The following ATP1B1 variants were observed in gnomAD, a reference collection of about 807,000 sequenced individuals.
The protein encoded by ATP1B1 is sodium/potassium-transporting ATPase subunit beta-1.
Under a neutral mutation model 39.6 loss-of-function variants are expected in ATP1B1, and 3 were observed. The ratio of observed to expected loss-of-function variants is 0.08; its 90% CI spans 0.03 to 0.20. The LOEUF is 0.20. Among genes scored for constraint, ATP1B1 ranks in the 10% least tolerant of loss-of-function variants. The pLI is 1.00. For missense variants in ATP1B1, 216 were observed against 371.1 expected (o/e 0.58, Z 3.43); for synonymous variants, 139 against 135.0 (o/e 1.03, Z -0.20).
chr1:169,108,270 T>G (rs571231998), intron 1 of ATP1B1: 1 of 152,296 alleles, frequency 6.6e-6, no homozygotes, highest in East Asian at 1.9e-4. Flanking sequence ...GTTTTATATT[T>G]TATTTTGGGG....
At chr1:169,120,409 G>A (rs1298876391) in intron 2 of ATP1B1, among the ~76,000 whole-genome samples, 1 of 152,142 alleles carries the variant, frequency 6.6e-6, no homozygotes, top group Non-Finnish European at 1.5e-5. Context: ...GACTCCAGAG[G>A]GAAACATGAG....
In ATP1B1 at chr1:169,114,111, C is replaced by T. The variant is rs971539173; in HGVS notation, c.226+2613C>T. 3.3e-5 allele frequency among the ~76,000 whole-genome samples: 5 copies of T among 152,018 alleles called. No homozygotes were observed. The South Asian group carries it at 6.2e-4, about 19-fold the overall frequency. On this transcript the variant is annotated intron_variant, in intron 2 of 5. Transcript: ENST00000367815. ...ACAAAGTGCAGCTCTTGGGCCACCC[C>T]TTATGGCCCTGTGTTGCCTGAGGAC...
intron 2 of ATP1B1, 32 bp from the exon 3 acceptor site, chr1:169,124,852 C>T: frequency 1.2e-6 from 2 of 1,601,360 alleles, no homozygotes; most frequent in Admixed American, 1.7e-5. Flanking sequence ...TTTCTGCCTT[C>T]CTACTAATGT....
intron 1 of ATP1B1, among the ~76,000 whole-genome samples, chr1:169,107,628 A>C (rs961638841): frequency 2.0e-4 from 31 of 152,160 alleles, no homozygotes; most frequent in African/African-American, 7.5e-4. Flanking sequence ...GGTTGGGTTG[A>C]TTATGGTGAA....
chr1:169,118,928 G>A (rs968017908), intron 2 of ATP1B1, among the ~76,000 whole-genome samples: 6 of 152,198 alleles, frequency 3.9e-5, no homozygotes, highest in Non-Finnish European at 8.8e-5. Flanking sequence ...GCAAGCAGCT[G>A]TGCATTTGAA....
rs756613676 is a variant in ATP1B1 at position 169,111,518 on chromosome 1, C to A, written c.226+20C>A. The stretch of plus-strand genomic sequence containing the variant: ...CGCCAGGTAAAATCCACATGAATAG[C>A]TTCATTTCCTTCAGAGATAGCATGG... On this transcript the variant is annotated intron_variant, in intron 2 of 5. Transcript: ENST00000367815. 1 of 1,609,302 alleles carries A rather than the reference C, an allele frequency of 6.2e-7. No individual in the cohort carries two copies. The highest frequency in any genetic ancestry group is 1.1e-5 in the South Asian group (1 of 90,100).
chr1:169,123,280 A>G (rs1481494014), intron 2 of ATP1B1, among the ~76,000 whole-genome samples: 1 of 152,132 alleles, frequency 6.6e-6, no homozygotes, highest in Non-Finnish European at 1.5e-5. Flanking sequence ...CTTATTAAAC[A>G]GATTCTCAAA....
At chr1:169,127,129 A>G (rs1658104057) in intron 3 of ATP1B1, 95 bp from the exon 4 acceptor site, 10 of 1,334,726 alleles carry the variant, frequency 7.5e-6, no homozygotes, top group Middle Eastern at 3.9e-4. Flanking sequence ...GCGTACTCTC[A>G]GAATAGGTAA....
chr1:169,111,189 T>A (rs1261028177), intron 1 of ATP1B1, among the ~76,000 whole-genome samples, 181 bp from the exon 2 acceptor site: 1 of 152,178 alleles, frequency 6.6e-6, no homozygotes, highest in African/African-American at 2.4e-5. Flanking sequence ...AGTGGAGGGC[T>A]GCCCAGCTTC....
chr1:169,119,569 C>T (rs1268875771), intron 2 of ATP1B1, among the ~76,000 whole-genome samples: 1 of 152,092 alleles, frequency 6.6e-6, no homozygotes, highest in African/African-American at 2.4e-5. Flanking sequence ...TGGGAGAAAG[C>T]GTCTGGTCTA....
intron 2 of ATP1B1, among the ~76,000 whole-genome samples, chr1:169,114,909 G>A (rs2101778885): frequency 6.6e-6 from 1 of 152,058 alleles, no homozygotes; most frequent in African/African-American, 2.4e-5. Flanking sequence ...AAAAGGGGTG[G>A]GGCCAGGAGT....
intron 2 of ATP1B1, among the ~76,000 whole-genome samples, chr1:169,119,150 G>A (rs67450288): frequency 0.3 from 44,879 of 152,084 alleles, 7,663 homozygotes; most frequent in Non-Finnish European, 0.39. Flanking sequence ...GCAGGTAAAT[G>A]TGTCTTTGAA....
intron 1 of ATP1B1, chr1:169,110,584 T>TGG: frequency 9.7e-7 from 1 of 1,034,524 alleles, no homozygotes; most frequent in Non-Finnish European, 1.2e-6. Context: ...TTTTTTTTTT[T>TGG]TTGCTTTTGC....
rs267598155 is a variant in ATP1B1, at chr1:169,130,013, C to T, written c.571C>T (p.Pro191Ser). The change falls in exon 5 of 6, where the codon CCC becomes TCC. Residue 191 changes from proline to serine, a missense_variant. Transcript: ENST00000367815. ...TCATAATGGGTTTTATTTTTAGCCT[C>T]CCAAGAATGAGTCCTTGGAGACTTA... ...NRVLGFKPKPPKNESLETYPV... is the reference protein window; with the variant it reads ...NRVLGFKPKPSKNESLETYPV... The T allele has an allele frequency of 6.2e-7, 1 of 1,613,514 alleles. No homozygotes were observed. Among genetic ancestry groups the T allele is most frequent in the Non-Finnish European group, 8.5e-7 (1 of 1,179,640 alleles).
Position 169,132,203 on chromosome 1 carries a change from C to T in ATP1B1, c.*648C>T. 1.5e-6 allele frequency: 1 copy of T among 653,416 alleles called. No individual in the cohort carries two copies. Among genetic ancestry groups the T allele is most frequent in the Non-Finnish European group, 2.8e-6 (1 of 352,158 alleles). 40.5% of individuals were successfully genotyped at this position (653,416 alleles called of 1,614,324 possible). On this transcript the variant is annotated 3_prime_UTR_variant, in exon 6 of 6. Coordinates refer to ENST00000367815, the MANE Select transcript of ATP1B1 (RefSeq NM_001677.4). ...GCCCTTTAAATTTTAAGTGACACTACAGAAAAACACAAAAAGGTGATGGGT... is the reference window on the plus strand; with the variant it reads ...GCCCTTTAAATTTTAAGTGACACTATAGAAAAACACAAAAAGGTGATGGGT...
At chr1:169,130,118 T>C in intron 5 of ATP1B1, 28 bp downstream of exon 5, 1 of 1,598,856 alleles carries the variant, frequency 6.3e-7, no homozygotes, top group Non-Finnish European at 8.6e-7. Context: ...GTTACTGGGG[T>C]GGTGGAAGGG....
At chr1:169,111,296 A>G (rs1253450092) in intron 1 of ATP1B1, 74 bp from the exon 2 acceptor site, 2 of 1,577,590 alleles carry the variant, frequency 1.3e-6, no homozygotes, top group Non-Finnish European at 1.7e-6. Flanking sequence ...AAGCTTGTTC[A>G]TCCGTGGGAA....
At chr1:169,111,643 G>T (rs1657734055) in intron 2 of ATP1B1, 145 bp downstream of exon 2, 1 of 1,185,590 alleles carries the variant, frequency 8.4e-7, no homozygotes, top group South Asian at 1.6e-5. Flanking sequence ...TCTCTCGGCT[G>T]CAGCCAGATG....
At chr1:169,124,529 G>A (rs1658049212) in intron 2 of ATP1B1, among the ~76,000 whole-genome samples, 1 of 152,170 alleles carries the variant, frequency 6.6e-6, no homozygotes, top group Non-Finnish European at 1.5e-5. Flanking sequence ...GAAACATAAT[G>A]GGCTTTGGAG....
Sources: allele counts gnomAD v4.1 joint callset (sites outside exome capture counted in the v4.1 genomes callset), GRCh38; gene constraint gnomAD v4.1.1; transcripts MANE v1.5; gene names NCBI Gene and HGNC (gene_info 2026-07-23, HGNC 2026-07-21).